SLC16A7: variants seen among roughly 807,000 people sequenced by gnomAD.
SLC16A7 encodes solute carrier family 16 member 7.
A neutral mutation model predicts 34.9 loss-of-function variants in SLC16A7; 33 were observed. That is an observed-to-expected ratio of 0.94 (90% CI 0.72 to 1.26). The LOEUF is 1.26. Ranked by LOEUF, SLC16A7 falls within the 50% of genes most tolerant of loss-of-function variation. The pLI is 0.00. For missense variants in SLC16A7, 573 were observed against 578.1 expected, an observed-to-expected ratio of 0.99 and a Z score of 0.09; for synonymous variants, 201 against 206.6, an observed-to-expected ratio of 0.97 and a Z score of 0.23.
intron 1 of SLC16A7, among the ~76,000 whole-genome samples, chr12:59,609,710 T>C (rs1324530313): frequency 6.6e-6 from 1 of 152,228 alleles, no homozygotes; most frequent in East Asian, 1.9e-4. Flanking sequence ...AGGCCTCTTA[T>C]TCTATTAGCT....
chr12:59,759,501 G>T (rs1880775216), intron 3 of SLC16A7, among the ~76,000 whole-genome samples: 1 of 151,820 alleles, frequency 6.6e-6, no homozygotes, highest in Non-Finnish European at 1.5e-5. Flanking sequence ...TTTATCATTT[G>T]CCTTTAGAAT....
At position 59,659,731 on chromosome 12, in the gene SLC16A7, A is replaced by G. The variant is rs543697806; in HGVS notation, c.-31+4481A>G. ...TTAGGCTTTCCCTTGTATGGGAAGA[A>G]CCTGCTCTAGTAAAATTATCATACT... On this transcript the variant is annotated intron_variant, in intron 2 of 5. Coordinates refer to ENST00000547379, the MANE Select transcript of SLC16A7 (RefSeq NM_001270623.2). Among the ~76,000 whole-genome samples the G allele has an allele frequency of 1.1e-4, 16 of 152,196 alleles. No individual in the cohort carries two copies. In the East Asian group the frequency reaches 3.1e-3, roughly 29 times the overall value.
intron 1 of SLC16A7, among the ~76,000 whole-genome samples, chr12:59,629,814 T>G (rs1880098150): frequency 6.6e-6 from 1 of 151,948 alleles, no homozygotes; most frequent in Non-Finnish European, 1.5e-5. Context: ...AGTCCACCCT[T>G]TCTAATGATG....
At chr12:59,618,032 G>T (rs1014709243) in intron 1 of SLC16A7, among the ~76,000 whole-genome samples, 1 of 151,472 alleles carries the variant, frequency 6.6e-6, no homozygotes, top group Non-Finnish European at 1.5e-5. Flanking sequence ...CAATTTTTTT[G>T]TATCCTTGAG....
At chr12:59,724,044 A>G (rs1035831701) in intron 3 of SLC16A7, among the ~76,000 whole-genome samples, 2 of 152,056 alleles carry the variant, frequency 1.3e-5, no homozygotes, top group African/African-American at 4.8e-5. Context: ...CGATTGATAT[A>G]TGTATAGTAT....
At chr12:59,742,513 A>G (rs1176006675) in intron 3 of SLC16A7, among the ~76,000 whole-genome samples, 2 of 152,248 alleles carry the variant, frequency 1.3e-5, no homozygotes, top group Non-Finnish European at 2.9e-5. Flanking sequence ...CTAGGAGGAA[A>G]GTGAGAAATC....
At position 59,609,273 on chromosome 12, in the gene SLC16A7, CA is replaced by C. The variant is rs1879084433; in HGVS notation, c.-130+13040del. The stretch of plus-strand genomic sequence containing the variant: ...TTGAAGAACATACAGTGTCCTGGGA[CA>C]AAGTCCGTTTGTACCAAAGAACCGA... On this transcript the variant is annotated intron_variant, in intron 1 of 5. Transcript: ENST00000547379. Among the ~76,000 whole-genome samples, 3 of 152,294 alleles carry C rather than the reference CA, an allele frequency of 2.0e-5. No homozygotes were observed. The South Asian group carries it at 6.2e-4, about 32-fold the overall frequency.
chr12:59,773,757 G>C (rs953864345), intron 4 of SLC16A7, among the ~76,000 whole-genome samples: 1 of 151,964 alleles, frequency 6.6e-6, no homozygotes, highest in Non-Finnish European at 1.5e-5. Context: ...TAGAGACGGG[G>C]TTTCACCATG....
chr12:59,604,946 A>C (rs1878865065), intron 1 of SLC16A7, among the ~76,000 whole-genome samples: 1 of 152,140 alleles, frequency 6.6e-6, no homozygotes, highest in African/African-American at 2.4e-5. Flanking sequence ...TCCTAGGTTC[A>C]TGCCATTCTC....
At chr12:59,629,124 G>A (rs1398508609) in intron 1 of SLC16A7, among the ~76,000 whole-genome samples, 1 of 151,756 alleles carries the variant, frequency 6.6e-6, no homozygotes, top group Non-Finnish European at 1.5e-5. Flanking sequence ...CAAGTTCTCT[G>A]ATCTCTTCTT....
intron 3 of SLC16A7, chr12:59,763,867 G>T (rs1881267936): frequency 6.6e-6 from 1 of 152,142 alleles, no homozygotes; most frequent in East Asian, 1.9e-4. Context: ...GCCATGAACT[G>T]TGCCCATATA....
chr12:59,779,846 C>A lies in SLC16A7; in HGVS notation c.*167C>A. On this transcript the variant is annotated 3_prime_UTR_variant, in exon 6 of 6. Transcript: ENST00000547379. ...CAAATTTTAAATTAGTTTTTAAAAA[C>A]TTACTTATTTGGGTAGTTAAATTTT... 1.8e-6 allele frequency: 1 copy of A among 556,424 alleles called. No homozygotes were observed. The highest frequency in any genetic ancestry group is 3.0e-6 in the Non-Finnish European group (1 of 330,508). The allele number at this position is 556,424 out of a possible 1,614,324, so 34.5% of individuals were successfully genotyped here.
intron 5 of SLC16A7, 67 bp downstream of exon 5, chr12:59,775,542 A>G: frequency 8.9e-7 from 1 of 1,122,594 alleles, no homozygotes; most frequent in African/African-American, 1.6e-5. Context: ...GAGACTTTAT[A>G]TACAGATGTT....
chr12:59,767,335 C>A (rs1881761558), intron 3 of SLC16A7, among the ~76,000 whole-genome samples: 1 of 151,914 alleles, frequency 6.6e-6, no homozygotes, highest in Non-Finnish European at 1.5e-5. Context: ...CTACACTGAA[C>A]AACAGATTGT....
rs1184637421 is a variant in SLC16A7 at position 59,627,808 on chromosome 12, A to G, written c.-129-27344A>G. ...CAGGCCTTCTAAGCTGATGATTTCT[A>G]GGCCTACAACTTGTTGCCCTAACTC... On this transcript the variant is annotated intron_variant, in intron 1 of 5. Transcript: ENST00000547379. Among the ~76,000 whole-genome samples, 4 of 151,348 alleles carry G rather than the reference A, an allele frequency of 2.6e-5. No homozygotes were observed. The South Asian group carries it at 8.3e-4, about 31-fold the overall frequency.
intron 3 of SLC16A7, among the ~76,000 whole-genome samples, chr12:59,717,332 T>TG (rs1180556887): frequency 3.9e-5 from 6 of 152,190 alleles, no homozygotes; most frequent in Non-Finnish European, 8.8e-5. Flanking sequence ...ACTTTCCAAA[T>TG]GCCTCTTGGG....
At chr12:59,730,483 TTACATAGTATAG>T (rs1876822752) in intron 3 of SLC16A7, among the ~76,000 whole-genome samples, 1 of 152,046 alleles carries the variant, frequency 6.6e-6, no homozygotes, top group African/African-American at 2.4e-5. Flanking sequence ...TAAGTTATTG[TTACATAGTATAG>T]TTGCAGCTGA....
intron 3 of SLC16A7, among the ~76,000 whole-genome samples, chr12:59,739,121 C>T: frequency 6.6e-6 from 1 of 150,838 alleles, no homozygotes; most frequent in East Asian, 1.9e-4. Flanking sequence ...TATACCTGTG[C>T]CATGCTGGTG....
At chr12:59,772,212 T>C (rs1882300972) in intron 4 of SLC16A7, among the ~76,000 whole-genome samples, 1 of 152,108 alleles carries the variant, frequency 6.6e-6, no homozygotes. Flanking sequence ...ATGAAAAACA[T>C]GTATTGAAGC....
Sources: allele counts gnomAD v4.1 joint callset (sites outside exome capture counted in the v4.1 genomes callset), GRCh38; gene constraint gnomAD v4.1.1; transcripts MANE v1.5; gene names NCBI Gene and HGNC (gene_info 2026-07-23, HGNC 2026-07-21).